Variants in NCKAP5 observed in about 807,000 individuals in gnomAD.
NCKAP5 encodes the protein NCK associated protein 5, also known as nck-associated protein 5.
A neutral mutation model predicts 167.0 loss-of-function variants in NCKAP5; 92 were observed. The ratio of observed to expected loss-of-function variants is 0.55; its 90% CI spans 0.47 to 0.66. The LOEUF is 0.66. Among genes scored for constraint, NCKAP5 ranks in the 30% least tolerant of loss-of-function variants. The probability of loss-of-function intolerance (pLI) is 0.00; values close to 1 mark genes in which losing one functional copy is unlikely to be tolerated. For synonymous variants in NCKAP5, 891 were observed against 877.4 expected (o/e 1.02, Z -0.27); for missense variants, 2,378 against 2,315.0 (o/e 1.03, Z -0.56).
rs747997881 is a variant in NCKAP5 at position 132,782,736 on chromosome 2, T to G, written c.4075A>C (p.Ser1359Arg). The G allele has an allele frequency of 6.2e-7, 1 of 1,613,866 alleles. No homozygotes were observed. The highest frequency in any genetic ancestry group is 8.5e-7 in the Non-Finnish European group (1 of 1,179,872). The change falls in exon 14 of 20, where the codon AGC becomes CGC. Residue 1359 changes from serine to arginine, a missense_variant. This residue lies in a region of NCKAP5 where 1,325 missense variants were observed against 1,274.5 expected (regional missense o/e 1.04). Transcript: ENST00000409261. ...TTACTTGGGCTCCCATGCTGACTGC[T>G]GAAGCTGCCTGAGCTCCCCAGGGAG... ...KGSLGSSGSF[S>R]SQHGSPSKLP...
At chr2:133,036,289 T>C (rs2079039349) in intron 6 of NCKAP5, among the ~76,000 whole-genome samples, 1 of 151,958 alleles carries the variant, frequency 6.6e-6, no homozygotes, top group African/African-American at 2.4e-5. Flanking sequence ...TTCTGAAAGA[T>C]AGAAGAGGAG....
chr2:133,489,875 C>T (rs1312645006), intron 3 of NCKAP5, among the ~76,000 whole-genome samples: 1 of 152,094 alleles, frequency 6.6e-6, no homozygotes, highest in African/African-American at 2.4e-5. Context: ...ACAAAGGTTC[C>T]AACTAAGTGG....
intron 3 of NCKAP5, among the ~76,000 whole-genome samples, chr2:133,344,830 G>C (rs574253759): frequency 3.3e-4 from 50 of 152,138 alleles, no homozygotes; most frequent in African/African-American, 1.0e-3. Flanking sequence ...AAAATCAAAA[G>C]CTCTGTTTGG....
chr2:132,943,123 A>G lies in NCKAP5; in HGVS notation c.579+20597T>C, dbSNP rs1297307058. ...ACCAGGGTCTGAACTGAGTTTTACA[A>G]TGTTAAAGCACAACATCTTACTGTC... On this transcript the variant is annotated intron_variant, in intron 8 of 19. Transcript: ENST00000409261. Among the ~76,000 whole-genome samples, 9 of 152,362 alleles carry G rather than the reference A, an allele frequency of 5.9e-5. No homozygotes were observed. The South Asian group carries it at 8.3e-4, about 14-fold the overall frequency.
rs572403008 is a variant in NCKAP5 at position 132,848,249 on chromosome 2, A to AT, written c.807+12242dup. ...TGATATAGAATTAAGTCAGCGAGTT[A>AT]TTTTTTTCCTTTTAGAAGTGGACAT... On this transcript the variant is annotated intron_variant, in intron 11 of 19. Coordinates refer to ENST00000409261, the MANE Select transcript of NCKAP5 (RefSeq NM_207363.3). Among the ~76,000 whole-genome samples, 295 of 152,272 alleles carry AT rather than the reference A, an allele frequency of 1.9e-3. 3 individuals carry two copies. Among genetic ancestry groups the AT allele is most frequent in the Middle Eastern group, 0.014 (4 of 294 alleles).
intron 6 of NCKAP5, among the ~76,000 whole-genome samples, chr2:133,124,010 A>G (rs1369904876): frequency 6.6e-6 from 1 of 152,210 alleles, no homozygotes; most frequent in African/African-American, 2.4e-5. Context: ...TGAACGAGTT[A>G]AGCGGTAAAA....
intron 8 of NCKAP5, among the ~76,000 whole-genome samples, chr2:132,890,028 G>A (rs1416181854): frequency 6.6e-6 from 1 of 152,176 alleles, no homozygotes; most frequent in Non-Finnish European, 1.5e-5. Context: ...CTTTCCCACG[G>A]CAAAAGCTGG....
At chr2:133,491,594 CAGAT>C (rs1252695601) in intron 3 of NCKAP5, among the ~76,000 whole-genome samples, 2 of 152,184 alleles carry the variant, frequency 1.3e-5, no homozygotes, top group Non-Finnish European at 2.9e-5. Flanking sequence ...TATATGTTAA[CAGAT>C]AGAATATTAC....
chr2:133,243,287 A>G (rs1372085104), intron 4 of NCKAP5, among the ~76,000 whole-genome samples: 1 of 152,172 alleles, frequency 6.6e-6, no homozygotes, highest in Non-Finnish European at 1.5e-5. Flanking sequence ...GGTTCTAATC[A>G]AATTGTGGAT....
rs1000596954 is a variant in NCKAP5 at position 132,953,578 on chromosome 2, C to T, written c.579+10142G>A. 3.3e-5 allele frequency among the ~76,000 whole-genome samples: 5 copies of T among 151,742 alleles called. No individual in the cohort carries two copies. In the East Asian group the frequency reaches 7.7e-4, roughly 23 times the overall value. On this transcript the variant is annotated intron_variant, in intron 8 of 19. Coordinates refer to ENST00000409261, the MANE Select transcript of NCKAP5 (RefSeq NM_207363.3). ...CTGTATCTCTTTGTAATTCCAGCATCCAGCAGGAGGCCAGGCCTAGAAATG... is the reference window on the plus strand; with the variant it reads ...CTGTATCTCTTTGTAATTCCAGCATTCAGCAGGAGGCCAGGCCTAGAAATG...
chr2:133,166,676 A>G (rs987528142), intron 5 of NCKAP5, among the ~76,000 whole-genome samples: 6 of 152,192 alleles, frequency 3.9e-5, no homozygotes, highest in Non-Finnish European at 8.8e-5. Flanking sequence ...AGCTTAGAGA[A>G]TAGTTCACAT....
At chr2:133,124,138 T>C (rs1241636702) in intron 6 of NCKAP5, among the ~76,000 whole-genome samples, 1 of 152,226 alleles carries the variant, frequency 6.6e-6, no homozygotes, top group East Asian at 1.9e-4. Flanking sequence ...TTCAAGGCTG[T>C]GGATGACGGT....
chr2:133,251,087 ACCCAGCAT>A (rs1229596450), intron 4 of NCKAP5, among the ~76,000 whole-genome samples: 1 of 151,838 alleles, frequency 6.6e-6, no homozygotes, highest in African/African-American at 2.4e-5. Flanking sequence ...AAAAAAAAAA[ACCCAGCAT>A]AACAGTAATA....
chr2:133,628,890 G>A, the NCKAP5 span, among the ~76,000 whole-genome samples: 1 of 152,146 alleles, frequency 6.6e-6, no homozygotes, highest in Non-Finnish European at 1.5e-5. Context: ...ATGGGGAAAG[G>A]ACTCCCTAGT....
intron 8 of NCKAP5, among the ~76,000 whole-genome samples, chr2:132,953,563 T>A (rs1372052267): frequency 6.6e-6 from 1 of 152,090 alleles, no homozygotes; most frequent in Non-Finnish European, 1.5e-5. Flanking sequence ...CTGTATCTCT[T>A]TGTAATTCCA....
chr2:132,784,066 G>T lies in NCKAP5; in HGVS notation c.2745C>A (p.His915Gln), dbSNP rs754314449. ...CCCCTGCCTCCGGCCCAGAGCCACA[G>T]TGTTCATCCCTCGTGGGGGGCTCTC... ...DSGEPPTRDEHCGSGPEAGVK... is the reference protein window; with the variant it reads ...DSGEPPTRDEQCGSGPEAGVK... The change falls in exon 14 of 20, where the codon CAC becomes CAA. Residue 915 changes from histidine (H) to glutamine (Q), a missense_variant. His to Gln is a conservative substitution (Grantham distance 24). Coordinates refer to ENST00000409261, the MANE Select transcript of NCKAP5 (RefSeq NM_207363.3). 6 of 1,527,252 alleles carry T rather than the reference G, an allele frequency of 3.9e-6. No homozygotes were observed. In the South Asian group the frequency reaches 6.6e-5, roughly 17 times the overall value. The allele number at this position is 1,527,252 out of a possible 1,614,324, so 94.6% of individuals were successfully genotyped here.
chr2:133,647,940 A>G, the NCKAP5 span, among the ~76,000 whole-genome samples: 5 of 152,106 alleles, frequency 3.3e-5, no homozygotes, highest in African/African-American at 7.2e-5. Context: ...CAAAAGATAT[A>G]TAGTGTATGA....
chr2:133,139,905 T>C (rs2082934027), intron 5 of NCKAP5, among the ~76,000 whole-genome samples: 3 of 152,176 alleles, frequency 2.0e-5, no homozygotes, highest in Admixed American at 1.3e-4. Flanking sequence ...CCCAGGTAGG[T>C]AGTAAGCTTG....
chr2:133,395,789 G>A (rs1687694903), intron 3 of NCKAP5, among the ~76,000 whole-genome samples: 1 of 152,002 alleles, frequency 6.6e-6, no homozygotes, highest in African/African-American at 2.4e-5. Flanking sequence ...GAGGCTATAG[G>A]TGTCCCACCA....
Sources: allele counts gnomAD v4.1 joint callset (sites outside exome capture counted in the v4.1 genomes callset), GRCh38; gene constraint gnomAD v4.1.1; regional missense constraint gnomAD v4.1.1; transcripts MANE v1.5; gene names NCBI Gene and HGNC (gene_info 2026-07-23, HGNC 2026-07-21).